Variants in PTPRD observed in about 807,000 individuals in gnomAD.
The protein encoded by PTPRD is receptor-type tyrosine-protein phosphatase delta.
PTPRD carries 34 observed loss-of-function variants against 214.5 expected under a neutral mutation model. The ratio of observed to expected loss-of-function variants is 0.16; its 90% CI spans 0.12 to 0.21. The LOEUF (loss-of-function observed/expected upper bound fraction) is 0.21. Among genes scored for constraint, PTPRD ranks in the 10% least tolerant of loss-of-function variants. The pLI is 1.00. For synonymous variants in PTPRD, 1,128 were observed against 845.7 expected (o/e 1.33, Z -5.79); for missense variants, 2,545 against 2,398.7 (o/e 1.06, Z -1.27).
At chr9:10,071,991 G>A (rs975382720) in intron 3 of PTPRD, among the ~76,000 whole-genome samples, 2 of 151,592 alleles carry the variant, frequency 1.3e-5, no homozygotes, top group Admixed American at 6.6e-5. Context: ...AGCACACATA[G>A]TATAAATGAT....
At chr9:9,241,100 T>A (rs1254814341) in intron 9 of PTPRD, among the ~76,000 whole-genome samples, 1 of 152,088 alleles carries the variant, frequency 6.6e-6, no homozygotes, top group African/African-American at 2.4e-5. Context: ...TCAAACAGAG[T>A]AAGAATTAAT....
At chr9:9,260,288 G>C (rs564739224) in intron 9 of PTPRD, among the ~76,000 whole-genome samples, 12 of 151,924 alleles carry the variant, frequency 7.9e-5, no homozygotes, top group African/African-American at 2.9e-4. Flanking sequence ...AAGACCATCA[G>C]AGTGAGGCAC....
intron 8 of PTPRD, among the ~76,000 whole-genome samples, chr9:9,476,453 T>C (rs1031745703): frequency 6.6e-6 from 1 of 152,226 alleles, no homozygotes; most frequent in Non-Finnish European, 1.5e-5. Context: ...TGAATAGTGA[T>C]GTGTTACGGG....
rs190121076 is a variant in PTPRD, at chr9:8,380,501, G to A, written c.4387-3775C>T. ...AGTTCAGATTTTTGGCTAAATTTGC[G>A]GGAGGCATTTCTTTTCATTATCACA... On this transcript the variant is annotated intron_variant, in intron 37 of 45. Coordinates refer to ENST00000381196, the MANE Select transcript of PTPRD (RefSeq NM_002839.4). Among the ~76,000 whole-genome samples, 154 of 152,204 alleles carry A rather than the reference G, an allele frequency of 1.0e-3. 2 individuals carry two copies. Among genetic ancestry groups the A allele is most frequent in the Admixed American group, 4.3e-3 (65 of 15,286 alleles).
chr9:10,061,807 T>C lies in PTPRD; in HGVS notation c.-544-28017A>G, dbSNP rs147223855. On this transcript the variant is annotated intron_variant, in intron 3 of 45. Transcript: ENST00000381196. ...TATGTAAAATGAAGGTTTTTGGGGATTGTAATGATCAGCCTAAGTGACTAC... is the reference window on the plus strand; with the variant it reads ...TATGTAAAATGAAGGTTTTTGGGGACTGTAATGATCAGCCTAAGTGACTAC... 7.6e-4 allele frequency among the ~76,000 whole-genome samples: 116 copies of C among 152,194 alleles called. 2 individuals carry two copies. The South Asian group carries it at 0.022, about 29-fold the overall frequency.
At chr9:10,491,321 T>C (rs980804909) in intron 2 of PTPRD, among the ~76,000 whole-genome samples, 13 of 152,162 alleles carry the variant, frequency 8.5e-5, no homozygotes, top group Non-Finnish European at 1.5e-4. Context: ...GAATACATGT[T>C]TCTAATAATT....
intron 12 of PTPRD, among the ~76,000 whole-genome samples, chr9:8,700,397 G>A (rs999461534): frequency 1.3e-5 from 2 of 152,164 alleles, no homozygotes; most frequent in Non-Finnish European, 2.9e-5. Flanking sequence ...TCATCATGAT[G>A]TACTTAAATT....
chr9:8,989,523 G>A (rs1422421672), intron 11 of PTPRD, among the ~76,000 whole-genome samples: 3 of 151,964 alleles, frequency 2.0e-5, no homozygotes, highest in African/African-American at 7.2e-5. Flanking sequence ...AATGTTCCTG[G>A]AAATGACAAG....
intron 11 of PTPRD, among the ~76,000 whole-genome samples, chr9:8,969,892 A>G (rs1321267489): frequency 6.6e-6 from 1 of 152,030 alleles, no homozygotes; most frequent in African/African-American, 2.4e-5. Context: ...ACTACTAATT[A>G]CAACATTGCC....
At chr9:10,229,491 G>T (rs937749945) in intron 3 of PTPRD, among the ~76,000 whole-genome samples, 3 of 152,076 alleles carry the variant, frequency 2.0e-5, no homozygotes, top group African/African-American at 7.2e-5. Context: ...AGAAAATGTG[G>T]CACATAAACA....
chr9:10,607,420 T>G (rs1283070401), intron 2 of PTPRD, among the ~76,000 whole-genome samples: 2 of 151,932 alleles, frequency 1.3e-5, no homozygotes, highest in East Asian at 3.9e-4. Flanking sequence ...CCATTTTCAC[T>G]AAGTCCTATT....
At chr9:9,478,777 C>T (rs1457274465) in intron 8 of PTPRD, among the ~76,000 whole-genome samples, 2 of 152,052 alleles carry the variant, frequency 1.3e-5, no homozygotes, top group East Asian at 1.9e-4. Flanking sequence ...ATTTCAAGTG[C>T]CTCTTCTTTG....
intron 4 of PTPRD, among the ~76,000 whole-genome samples, chr9:10,013,508 T>C (rs1398175310): frequency 6.6e-6 from 1 of 151,096 alleles, no homozygotes; most frequent in Non-Finnish European, 1.5e-5. Flanking sequence ...ACCTCAGAAT[T>C]TTTTACCAAT....
At chr9:8,376,783 T>G in intron 37 of PTPRD, 57 bp from the exon 38 acceptor site, 1 of 1,598,630 alleles carries the variant, frequency 6.3e-7, no homozygotes, top group Non-Finnish European at 8.5e-7. Context: ...TCTATTAACT[T>G]TGCTTTGAGT....
rs115805638 is a variant in PTPRD at position 8,704,654 on chromosome 9, C to T, written c.64+29126G>A. Among the ~76,000 whole-genome samples, 795 of 151,974 alleles carry T rather than the reference C, an allele frequency of 5.2e-3. 9 individuals are homozygous for T. Among genetic ancestry groups the T allele is most frequent in the African/African-American group, 0.018 (753 of 41,438 alleles). On this transcript the variant is annotated intron_variant, in intron 12 of 45. Transcript: ENST00000381196. ...TAAGACAGGTAAAATACCCGAGGAG[C>T]CTATCACAGAGATAATGCAATTTAG...
chr9:10,553,543 G>C lies in PTPRD; in HGVS notation c.-600+58855C>G, dbSNP rs529701497. 5.1e-4 allele frequency among the ~76,000 whole-genome samples: 76 copies of C among 149,508 alleles called. No individual in the cohort carries two copies. The South Asian group carries it at 0.013, about 26-fold the overall frequency. On this transcript the variant is annotated intron_variant, in intron 2 of 45. Transcript: ENST00000381196. ...TATGTACATATTCTCTCCAAGGATA[G>C]ACATTCACCTGTGTACTTTCTTTTT...
At chr9:9,635,922 GT>G (rs1387090803) in intron 7 of PTPRD, among the ~76,000 whole-genome samples, 1 of 152,042 alleles carries the variant, frequency 6.6e-6, no homozygotes, top group Non-Finnish European at 1.5e-5. Context: ...TTCATTTTAA[GT>G]CCCATTCACA....
chr9:9,479,043 G>C (rs1010432385), intron 8 of PTPRD, among the ~76,000 whole-genome samples: 5 of 151,894 alleles, frequency 3.3e-5, no homozygotes, highest in Non-Finnish European at 7.4e-5. Flanking sequence ...ATCACACAAT[G>C]GTTCATAAAG....
At chr9:10,130,740 C>T (rs918376974) in intron 3 of PTPRD, among the ~76,000 whole-genome samples, 1 of 151,838 alleles carries the variant, frequency 6.6e-6, no homozygotes, top group Admixed American at 6.6e-5. Context: ...GGGTATTATG[C>T]TAAAGAGAAA....
Sources: gnomAD v4.1 joint callset for allele counts (sites outside exome capture counted in the v4.1 genomes callset) on GRCh38, gnomAD v4.1.1 for gene constraint, MANE v1.5 for transcripts, NCBI Gene and HGNC (gene_info 2026-07-23, HGNC 2026-07-21) for gene names.